The following SLC12A8 variants were observed in gnomAD, a reference collection of about 807,000 sequenced individuals.
SLC12A8 encodes cation-chloride cotransporter 9.
A neutral mutation model predicts 75.6 loss-of-function variants in SLC12A8; 69 were observed. That is an observed-to-expected ratio of 0.91 (90% CI 0.75 to 1.11). The LOEUF is 1.11. Among genes scored for constraint, SLC12A8 ranks in the 50% most tolerant of loss-of-function variants. SLC12A8 has a pLI of 0.00. For synonymous variants in SLC12A8, 365 were observed against 372.8 expected (o/e 0.98, Z 0.24); for missense variants, 877 against 896.7 (o/e 0.98, Z 0.28).
intron 5 of SLC12A8, among the ~76,000 whole-genome samples, chr3:125,160,576 A>T (rs552617064): frequency 8.2e-4 from 125 of 152,288 alleles, no homozygotes; most frequent in Non-Finnish European, 1.5e-3. Flanking sequence ...AGCCTTTGCC[A>T]TCTCTCAATC....
At position 125,088,409 on chromosome 3, in the gene SLC12A8, C is replaced by G. The variant is rs752053573; in HGVS notation, c.1922-39G>C. On this transcript the variant is annotated intron_variant, in intron 12 of 13. Coordinates refer to ENST00000469902, the MANE Select transcript of SLC12A8 (RefSeq NM_024628.6). ...ATATACATAACCATTTTTGAAGGTT[C>G]TACATAAGGCATCTAGAAGCTCAGT... 50 of 1,592,718 alleles carry G rather than the reference C, an allele frequency of 3.1e-5. 1 individual carries two copies. The highest frequency in any genetic ancestry group is 2.2e-4 in the South Asian group (20 of 90,488).
intron 3 of SLC12A8, among the ~76,000 whole-genome samples, chr3:125,187,710 C>G (rs540911873): frequency 6.6e-6 from 1 of 152,194 alleles, no homozygotes; most frequent in African/African-American, 2.4e-5. Flanking sequence ...GAGGTGCCTC[C>G]TAATCTCACT....
chr3:125,153,968 G>C (rs190100461), intron 5 of SLC12A8, among the ~76,000 whole-genome samples: 1 of 152,232 alleles, frequency 6.6e-6, no homozygotes, highest in African/African-American at 2.4e-5. Context: ...GGCTGGTCTC[G>C]AACTCCTGAC....
intron 6 of SLC12A8, among the ~76,000 whole-genome samples, chr3:125,129,724 G>A (rs1362878202): frequency 1.3e-5 from 2 of 152,172 alleles, no homozygotes; most frequent in Admixed American, 6.5e-5. Context: ...TGACTCACTC[G>A]GAGCTAATCC....
intron 2 of SLC12A8, among the ~76,000 whole-genome samples, chr3:125,205,077 A>C (rs1935200070): frequency 6.6e-6 from 1 of 152,258 alleles, no homozygotes; most frequent in Admixed American, 6.5e-5. Flanking sequence ...TCCCAGAGCC[A>C]GACACCCGGC....
intron 8 of SLC12A8, among the ~76,000 whole-genome samples, chr3:125,112,557 T>A (rs1029690807): frequency 2.0e-5 from 3 of 152,154 alleles, no homozygotes; most frequent in African/African-American, 7.2e-5. Context: ...ACAGCTGAAT[T>A]CATGCAGCTT....
chr3:125,123,218 T>C (rs6791617), intron 6 of SLC12A8, among the ~76,000 whole-genome samples: 1 of 151,268 alleles, frequency 6.6e-6, no homozygotes, highest in Non-Finnish European at 1.5e-5. Context: ...CTACTAAAAA[T>C]GCAAAAAGTA....
rs986781092 is a variant in SLC12A8, at chr3:125,083,553, C to T, written c.*337G>A. On this transcript the variant is annotated 3_prime_UTR_variant, in exon 14 of 14. Transcript: ENST00000469902. ...CCTGGCCAACATGGTGAAACCCTGT[C>T]TCCAGTAAAAATACAAAAAATAGCT... is the stretch of plus-strand genomic sequence containing the variant. The T allele has an allele frequency of 4.7e-5, 9 of 189,718 alleles. No individual in the cohort carries two copies. The highest frequency in any genetic ancestry group is 5.5e-5 in the Non-Finnish European group (5 of 90,882). 11.8% of individuals were successfully genotyped at this position (189,718 alleles called of 1,614,324 possible). A position where few individuals can be genotyped will look rare whatever the true frequency, so the allele number is the denominator to read the frequency against.
At chr3:125,210,305 A>G (rs1935311082) in intron 2 of SLC12A8, among the ~76,000 whole-genome samples, 1 of 152,234 alleles carries the variant, frequency 6.6e-6, no homozygotes, top group African/African-American at 2.4e-5. Flanking sequence ...AGGGAAAGAT[A>G]TAAGCTCTGG....
intron 2 of SLC12A8, among the ~76,000 whole-genome samples, chr3:125,209,777 T>C (rs1326991102): frequency 6.6e-6 from 1 of 152,182 alleles, no homozygotes; most frequent in African/African-American, 2.4e-5. Context: ...GCGGCCAAGA[T>C]GAGGAGTCTG....
At chr3:125,206,192 G>A (rs985067111) in intron 2 of SLC12A8, among the ~76,000 whole-genome samples, 4 of 152,144 alleles carry the variant, frequency 2.6e-5, no homozygotes, top group African/African-American at 4.8e-5. Context: ...CCATACACTG[G>A]CTAATGAGCA....
chr3:125,184,889 G>A (rs1164110656), intron 4 of SLC12A8, among the ~76,000 whole-genome samples: 1 of 151,668 alleles, frequency 6.6e-6, no homozygotes, highest in Non-Finnish European at 1.5e-5. Context: ...AGCTGATCAA[G>A]AAAAAAGAAA....
chr3:125,121,026 T>G, intron 6 of SLC12A8: 2 of 618,136 alleles, frequency 3.2e-6, no homozygotes, highest in Non-Finnish European at 5.7e-6. Flanking sequence ...GCTGGGACAA[T>G]GCCCTGGAGA....
Position 125,192,875 on chromosome 3 carries a change from G to A in SLC12A8, c.52-2354C>T, listed in dbSNP as rs748575567. Reference sequence around the variant, plus strand: ...GAAGAGCGTAGGTTTGACTCCAAGGGAGTAACCCTGATGTTCTTGGAGAAA... The same window carrying A: ...GAAGAGCGTAGGTTTGACTCCAAGGAAGTAACCCTGATGTTCTTGGAGAAA... On this transcript the variant is annotated intron_variant, in intron 2 of 13. Coordinates refer to ENST00000469902, the MANE Select transcript of SLC12A8 (RefSeq NM_024628.6). 3.9e-5 allele frequency among the ~76,000 whole-genome samples: 6 copies of A among 152,166 alleles called. No individual in the cohort carries two copies. In the East Asian group the frequency reaches 9.6e-4, roughly 24 times the overall value.
At chr3:125,188,727 G>C (rs550119773) in intron 3 of SLC12A8, among the ~76,000 whole-genome samples, 2 of 152,358 alleles carry the variant, frequency 1.3e-5, no homozygotes, top group East Asian at 3.9e-4. Flanking sequence ...TTCAAGAGCT[G>C]AGTGGCCTAA....
Position 125,083,843 on chromosome 3 carries a change from C to A in SLC12A8, c.*47G>T. 3.8e-6 allele frequency: 6 copies of A among 1,572,388 alleles called. No homozygotes were observed. The highest frequency in any genetic ancestry group is 5.2e-6 in the Non-Finnish European group (6 of 1,156,086). ...TCCACGAAGGTCCTGAGCTTGGGTC[C>A]ACTGTACATGGGACAGCTCCAAAAG... On this transcript the variant is annotated 3_prime_UTR_variant, in exon 14 of 14. Transcript: ENST00000469902.
At chr3:125,085,492 A>G (rs1057381781) in intron 13 of SLC12A8, among the ~76,000 whole-genome samples, 4 of 152,176 alleles carry the variant, frequency 2.6e-5, no homozygotes, top group African/African-American at 9.7e-5. Context: ...TTTGAAGAGC[A>G]TTTTGGGGGT....
chr3:125,176,517 C>T (rs915328343), intron 5 of SLC12A8, among the ~76,000 whole-genome samples: 11 of 152,222 alleles, frequency 7.2e-5, no homozygotes, highest in African/African-American at 1.7e-4. Flanking sequence ...CAAAAGAAAC[C>T]ACCATCAGAG....
At chr3:125,085,508 T>C (rs1938434245) in intron 13 of SLC12A8, among the ~76,000 whole-genome samples, 1 of 152,184 alleles carries the variant, frequency 6.6e-6, no homozygotes, top group African/African-American at 2.4e-5. Context: ...GGGGTTATAG[T>C]TGGGGACTGG....
Sources: gnomAD v4.1 joint callset for allele counts (sites outside exome capture counted in the v4.1 genomes callset) on GRCh38, gnomAD v4.1.1 for gene constraint, MANE v1.5 for transcripts, NCBI Gene and HGNC (gene_info 2026-07-23, HGNC 2026-07-21) for gene names.